Variants in RAPGEF2 observed in about 807,000 individuals in gnomAD.
RAPGEF2 encodes the protein PDZ domain containing guanine nucleotide exchange factor (GEF) 1.
A neutral mutation model predicts 186.7 loss-of-function variants in RAPGEF2; 54 were observed. That is an observed-to-expected ratio of 0.29 (90% confidence interval 0.23 to 0.36). RAPGEF2 has a LOEUF of 0.36. RAPGEF2 is among the 10% of genes least tolerant of loss of function. RAPGEF2 has a pLI of 1.00. For missense variants in RAPGEF2, 1,532 were observed against 2,045.0 expected, an observed-to-expected ratio of 0.75 and a Z score of 4.84; for synonymous variants, 712 against 705.9, an observed-to-expected ratio of 1.01 and a Z score of -0.14.
At chr4:159,339,515 G>A (rs1429193580) in intron 19 of RAPGEF2, among the ~76,000 whole-genome samples, 161 bp downstream of exon 19, 2 of 151,554 alleles carry the variant, frequency 1.3e-5, no homozygotes, top group Non-Finnish European at 2.9e-5. Context: ...AAGAATTACT[G>A]TATGAAAGCA....
intron 1 of RAPGEF2, among the ~76,000 whole-genome samples, chr4:159,153,915 A>G (rs1255568689): frequency 1.3e-5 from 2 of 152,198 alleles, no homozygotes; most frequent in Admixed American, 6.5e-5. Context: ...TATACAGTCG[A>G]TGTTCAATTA....
intron 4 of RAPGEF2, among the ~76,000 whole-genome samples, chr4:159,217,206 G>C (rs745740420): frequency 4.6e-5 from 7 of 152,062 alleles, no homozygotes; most frequent in African/African-American, 1.7e-4. Flanking sequence ...GGGGGTACAC[G>C]TGCAGGTTTG....
intron 7 of RAPGEF2, chr4:159,282,666 C>T: frequency 2.2e-6 from 1 of 450,860 alleles, no homozygotes; most frequent in Non-Finnish European, 4.4e-6. Flanking sequence ...CTTCCTAAGG[C>T]TTGCCTTTCT....
In RAPGEF2 at chr4:159,241,316, C is replaced by CTG; in HGVS notation, c.476_477dup (p.Asp160TrpfsTer41). 6.5e-7 allele frequency: 1 copy of CTG among 1,529,952 alleles called. No individual in the cohort carries two copies. Among genetic ancestry groups the CTG allele is most frequent in the Non-Finnish European group, 8.7e-7 (1 of 1,143,082 alleles). The allele number at this position is 1,529,952 out of a possible 1,614,324, so 94.8% of individuals were successfully genotyped here. On this transcript the variant is annotated frameshift_variant, in exon 6 of 30. Transcript: ENST00000691494. LOFTEE classifies it high-confidence loss of function. The stretch of plus-strand genomic sequence containing the variant: ...GGTGAAAGACAAACAATTATTGACA[C>CTG]TGTGGATCCTTATCCCATGGGCAAA...
intron 1 of RAPGEF2, 61 bp from the exon 2 acceptor site, chr4:159,186,581 T>G: frequency 2.3e-6 from 2 of 852,446 alleles, no homozygotes; most frequent in South Asian, 1.9e-5. Context: ...ACAGTGTGAC[T>G]TATTTTAGAA....
intron 7 of RAPGEF2, among the ~76,000 whole-genome samples, chr4:159,262,502 G>A (rs1256166112): frequency 2.0e-5 from 3 of 152,180 alleles, no homozygotes; most frequent in Non-Finnish European, 4.4e-5. Flanking sequence ...GCAGAGGTTT[G>A]TAAGTGAAGT....
intron 7 of RAPGEF2, chr4:159,268,067 C>A (rs1380184234): frequency 1.2e-5 from 16 of 1,362,308 alleles, no homozygotes; most frequent in East Asian, 8.4e-5. Flanking sequence ...TTTCCTTTTT[C>A]TTTTAATTTA....
At chr4:159,158,154 G>T (rs947082511) in intron 1 of RAPGEF2, among the ~76,000 whole-genome samples, 1 of 152,142 alleles carries the variant, frequency 6.6e-6, no homozygotes, top group African/African-American at 2.4e-5. Context: ...AAGAGGGCCT[G>T]CATTGTATTT....
chr4:159,244,364 C>T lies in RAPGEF2; in HGVS notation c.543+573C>T, dbSNP rs1255399844. On this transcript the variant is annotated intron_variant, in intron 7 of 29. Coordinates refer to ENST00000691494, the MANE Select transcript of RAPGEF2 (RefSeq NM_001394067.2). ...ACTTTATTTTTAACAAGGTTTCTTG[C>T]TTTTATTTCATTCTACATTTTAATT... Among the ~76,000 whole-genome samples, 3 of 151,918 alleles carry T rather than the reference C, an allele frequency of 2.0e-5. No individual in the cohort carries two copies. In the South Asian group the frequency reaches 6.2e-4, roughly 32 times the overall value.
chr4:159,154,564 A>G (rs1743917046), intron 1 of RAPGEF2, among the ~76,000 whole-genome samples: 1 of 151,910 alleles, frequency 6.6e-6, no homozygotes, highest in Non-Finnish European at 1.5e-5. Context: ...ACATCCAGAA[A>G]CCAGTGACTA....
At chr4:159,211,326 G>T (rs1010014093) in intron 4 of RAPGEF2, among the ~76,000 whole-genome samples, 1 of 152,156 alleles carries the variant, frequency 6.6e-6, no homozygotes, top group African/African-American at 2.4e-5. Flanking sequence ...TTCCCCAAGG[G>T]TGTCAGCTAC....
chr4:159,151,747 TGTAA>T (rs901970554), intron 1 of RAPGEF2, among the ~76,000 whole-genome samples: 2 of 152,142 alleles, frequency 1.3e-5, no homozygotes, highest in African/African-American at 2.4e-5. Flanking sequence ...TGGCTTTTTG[TGTAA>T]GTGTGTGTTT....
chr4:159,287,117 G>A (rs1448002428), intron 7 of RAPGEF2, among the ~76,000 whole-genome samples: 1 of 151,882 alleles, frequency 6.6e-6, no homozygotes, highest in South Asian at 2.1e-4. Flanking sequence ...ATCTTGAGAG[G>A]ATTTTTTTTT....
chr4:159,127,932 T>A (rs1740541091), intron 1 of RAPGEF2, among the ~76,000 whole-genome samples: 1 of 152,200 alleles, frequency 6.6e-6, no homozygotes, highest in Non-Finnish European at 1.5e-5. Context: ...TCACCATGAT[T>A]TGTGTAAGTT....
intron 7 of RAPGEF2, among the ~76,000 whole-genome samples, chr4:159,296,399 A>G (rs1052219711): frequency 9.2e-5 from 14 of 152,232 alleles, no homozygotes; most frequent in African/African-American, 3.4e-4. Flanking sequence ...GTATTTCACT[A>G]GTAATTTGAT....
In RAPGEF2 at chr4:159,104,198, G is replaced by C. The variant is rs1419728633; in HGVS notation, c.36G>C (p.Ala12=). The change falls in exon 1 of 30, where the codon GCG becomes GCC. Residue 12 remains alanine, a synonymous_variant. Transcript: ENST00000691494. ...ACGTAGATAACAGCTTCCGCCAGGC[G>C]GTGATGAAGAATCCCCCCGAAAGGA... The part of the protein sequence containing the change: ...ASYVDNSFRQ[A]VMKNPPERTP... 6.6e-7 allele frequency: 1 copy of C among 1,522,672 alleles called. No homozygotes were observed. The highest frequency in any genetic ancestry group is 8.8e-7 in the Non-Finnish European group (1 of 1,139,166). The allele number at this position is 1,522,672 out of a possible 1,614,324, so 94.3% of individuals were successfully genotyped here.
intron 3 of RAPGEF2, among the ~76,000 whole-genome samples, chr4:159,199,506 C>CTCCT (rs1411472380): frequency 6.6e-6 from 1 of 151,558 alleles, no homozygotes; most frequent in Non-Finnish European, 1.5e-5. Flanking sequence ...AAAGAAGGAA[C>CTCCT]TCCTTTGATC....
chr4:159,273,590 C>T (rs1324092742), intron 7 of RAPGEF2, among the ~76,000 whole-genome samples: 2 of 151,978 alleles, frequency 1.3e-5, no homozygotes. Flanking sequence ...CAGTTATTCT[C>T]CTTTAACCAT....
In RAPGEF2 at chr4:159,358,205, A is replaced by T. The variant is rs1732326936; in HGVS notation, c.*66A>T. On this transcript the variant is annotated 3_prime_UTR_variant, in exon 30 of 30. Coordinates refer to ENST00000691494, the MANE Select transcript of RAPGEF2 (RefSeq NM_001394067.2). ...GAGAGCACAAGAAGACGTCCTGAGC[A>T]TTGGAGCCTTGGAACTCACATTCTG... 4 of 1,504,002 alleles carry T rather than the reference A, an allele frequency of 2.7e-6. No individual in the cohort carries two copies. The highest frequency in any genetic ancestry group is 3.6e-6 in the Non-Finnish European group (4 of 1,101,780). The allele number at this position is 1,504,002 out of a possible 1,614,324, so 93.2% of individuals were successfully genotyped here. A position where few individuals can be genotyped will look rare whatever the true frequency, so the allele number is the denominator to read the frequency against.
Sources: allele counts gnomAD v4.1 joint callset (sites outside exome capture counted in the v4.1 genomes callset), GRCh38; gene constraint gnomAD v4.1.1; transcripts MANE v1.5; gene names NCBI Gene and HGNC (gene_info 2026-07-23, HGNC 2026-07-21).